LHX8: variants seen among roughly 807,000 people sequenced by gnomAD.
LHX8 encodes the protein LIM/homeobox protein Lhx8.
A neutral mutation model predicts 40.3 loss-of-function variants in LHX8; 12 were observed. That is an observed-to-expected ratio of 0.30 (90% confidence interval 0.19 to 0.48). The LOEUF is 0.48. Ranked by LOEUF, LHX8 falls within the 20% of genes least tolerant of loss-of-function variation. The pLI is 0.99. For synonymous variants in LHX8, 179 were observed against 162.0 expected (o/e 1.10, Z -0.80); for missense variants, 344 against 433.7 (o/e 0.79, Z 1.84).
chr1:75,135,225 A>G (rs1367567363), intron 1 of LHX8, among the ~76,000 whole-genome samples: 1 of 152,194 alleles, frequency 6.6e-6, no homozygotes, highest in Admixed American at 6.5e-5. Context: ...GTCTGAGTAG[A>G]CTGGGGAAGC....
intron 7 of LHX8, among the ~76,000 whole-genome samples, chr1:75,155,218 A>T (rs1648722766): frequency 6.7e-6 from 1 of 150,222 alleles, no homozygotes; most frequent in African/African-American, 2.4e-5. Context: ...TATTTTAATG[A>T]AGAAACACTC....
chr1:75,183,978 C>T, the LHX8 span, among the ~76,000 whole-genome samples: 1 of 152,000 alleles, frequency 6.6e-6, no homozygotes, highest in African/African-American at 2.4e-5. Context: ...ATTTGCAATC[C>T]TAATTTCAGA....
intron 3 of LHX8, among the ~76,000 whole-genome samples, chr1:75,139,220 C>G (rs1265322652): frequency 6.6e-6 from 1 of 152,186 alleles, no homozygotes; most frequent in East Asian, 1.9e-4. Context: ...GGTAGTTTTT[C>G]TGGCTTGGTC....
intron 6 of LHX8, 73 bp downstream of exon 6, chr1:75,144,021 GC>G (rs1307357758): frequency 9.0e-7 from 1 of 1,114,396 alleles, no homozygotes; most frequent in Non-Finnish European, 1.3e-6. Flanking sequence ...CCTCCATGCT[GC>G]CCAAAAACAT....
chr1:75,169,513 G>A, the LHX8 span, among the ~76,000 whole-genome samples: 2 of 152,128 alleles, frequency 1.3e-5, no homozygotes, highest in Non-Finnish European at 2.9e-5. Context: ...AGGTGGGTGG[G>A]TGCTCTGAAG....
At chr1:75,185,015 A>T in the LHX8 span, among the ~76,000 whole-genome samples, 1 of 152,126 alleles carries the variant, frequency 6.6e-6, no homozygotes, top group Non-Finnish European at 1.5e-5. Flanking sequence ...AGAGATGGTT[A>T]AATTCTTGGA....
chr1:75,154,818 A>G (rs1648711273), intron 7 of LHX8, among the ~76,000 whole-genome samples: 1 of 152,158 alleles, frequency 6.6e-6, no homozygotes, highest in South Asian at 2.1e-4. Flanking sequence ...TGTCCCAGAA[A>G]CATTCCTTAG....
In LHX8 at chr1:75,134,947, A is replaced by G. The variant is rs1282776780; in HGVS notation, c.-20A>G. 4.1e-6 allele frequency: 4 copies of G among 985,044 alleles called. No homozygotes were observed. The highest frequency in any genetic ancestry group is 2.3e-4 in the East Asian group (2 of 8,812). 61.0% of individuals were successfully genotyped at this position (985,044 alleles called of 1,614,324 possible). ...GAAGCCTCGAGCCTAAGGCGCTCTC[A>G]GGTCCATGTGAGTCGTGCTTTTGTT... On this transcript the variant is annotated 5_prime_UTR_variant, in exon 1 of 9. Transcript: ENST00000356261.
the LHX8 span, among the ~76,000 whole-genome samples, chr1:75,187,445 G>C: frequency 6.6e-6 from 1 of 152,246 alleles, no homozygotes; most frequent in East Asian, 1.9e-4. Flanking sequence ...TATAAGACTT[G>C]TCCGCAGCAT....
At chr1:75,175,678 T>C in the LHX8 span, among the ~76,000 whole-genome samples, 1 of 149,924 alleles carries the variant, frequency 6.7e-6, no homozygotes, top group East Asian at 1.9e-4. Flanking sequence ...ATTTTATTTA[T>C]TTTTTATTAT....
chr1:75,188,801 A>C, the LHX8 span, among the ~76,000 whole-genome samples: 1 of 152,122 alleles, frequency 6.6e-6, no homozygotes, highest in Non-Finnish European at 1.5e-5. Context: ...CATCATGAAA[A>C]CATCTATGAA....
Position 75,148,579 on chromosome 1 carries a change from A to T in LHX8, c.685-8A>T. The T allele has an allele frequency of 6.2e-7, 1 of 1,607,588 alleles. No homozygotes were observed. The highest frequency in any genetic ancestry group is 8.5e-7 in the Non-Finnish European group (1 of 1,174,112). ...AGCTATTTACTACATACATGTTTTA[A>T]ACAACAGGTTATGCAAGCACAATTT... On this transcript the variant is annotated splice_region_variant and splice_polypyrimidine_tract_variant and intron_variant, in intron 6 of 8. Transcript: ENST00000356261.
At chr1:75,137,010 A>C in intron 2 of LHX8, 90 bp from the exon 3 acceptor site, 1 of 882,058 alleles carries the variant, frequency 1.1e-6, no homozygotes, top group Non-Finnish European at 1.3e-6. Context: ...GGGGGAAGGG[A>C]GGGGAGGCGG....
At chr1:75,164,071 A>C (rs182112962), downstream of LHX8, among the ~76,000 whole-genome samples, 1 of 152,300 alleles carries the variant, frequency 6.6e-6, no homozygotes, top group African/African-American at 2.4e-5. Context: ...AGCAGCCTGA[A>C]TGGACTAAAA....
At position 75,143,936 on chromosome 1, in the gene LHX8, A is replaced by G. The variant is rs1330771536; in HGVS notation, c.672A>G (p.Ala224=). The stretch of plus-strand genomic sequence containing the variant: ...AAAGAGCTCGGACCAGCTTTACAGC[A>G]GATCAGCTTCAGGTAAGCATAACAA... The part of the protein sequence containing the change: ...PAKRARTSFT[A]DQLQVMQAQF... Residue 224 remains alanine, a synonymous_variant, in exon 6 of 9, where the codon GCA becomes GCG. Transcript: ENST00000356261. The G allele has an allele frequency of 1.2e-6, 2 of 1,613,166 alleles. No homozygotes were observed. The highest frequency in any genetic ancestry group is 1.7e-5 in the Admixed American group (1 of 59,938).
intron 6 of LHX8, among the ~76,000 whole-genome samples, chr1:75,144,776 A>C (rs1031774522): frequency 3.3e-5 from 5 of 152,112 alleles, no homozygotes; most frequent in Non-Finnish European, 1.5e-5. Context: ...CGCCTATCAC[A>C]CTGCTGGGTA....
the LHX8 span, among the ~76,000 whole-genome samples, chr1:75,172,293 G>A: frequency 6.6e-6 from 1 of 152,096 alleles, no homozygotes; most frequent in South Asian, 2.1e-4. Context: ...ATACAATTTA[G>A]GAATTATTTT....
chr1:75,155,013 A>T (rs1648716401), intron 7 of LHX8, among the ~76,000 whole-genome samples: 1 of 151,968 alleles, frequency 6.6e-6, no homozygotes, highest in South Asian at 2.1e-4. Flanking sequence ...GCTTCCTTTT[A>T]TTTCACATTA....
At chr1:75,181,275 A>T in the LHX8 span, among the ~76,000 whole-genome samples, 1 of 152,168 alleles carries the variant, frequency 6.6e-6, no homozygotes, top group Non-Finnish European at 1.5e-5. Context: ...AAGTCTGTAG[A>T]AGTTTCTGCT....
Sources: gnomAD v4.1 joint callset for allele counts (sites outside exome capture counted in the v4.1 genomes callset) on GRCh38, gnomAD v4.1.1 for gene constraint, MANE v1.5 for transcripts, NCBI Gene and HGNC (gene_info 2026-07-23, HGNC 2026-07-21) for gene names.